Variants in CTSE observed in about 807,000 individuals in gnomAD.
CTSE encodes cathepsin E.
CTSE carries 43 observed loss-of-function variants against 42.8 expected under a neutral mutation model. That is an observed-to-expected ratio of 1.01 (90% CI 0.79 to 1.30). CTSE has a LOEUF of 1.30. CTSE is among the 50% of genes most tolerant of loss of function. The pLI, the probability that CTSE is intolerant of heterozygous loss-of-function variation, is 0.00. For synonymous variants in CTSE, 205 were observed against 191.5 expected (o/e 1.07, Z -0.58); for missense variants, 532 against 493.5 (o/e 1.08, Z -0.74).
Position 206,016,082 on chromosome 1 carries a change from C to G in CTSE, c.511G>C (p.Glu171Gln), listed in dbSNP as rs782237022. 14 of 1,614,000 alleles carry G rather than the reference C, an allele frequency of 8.7e-6. No homozygotes were observed. The highest frequency in any genetic ancestry group is 1.2e-5 in the Non-Finnish European group (14 of 1,179,938). ...VGQQFGESVT[E>Q]PGQTFVDAEF... ...GCATCCACAAAGGTCTGGCCTGGCT[C>G]TGTGACACTTTCTCCAAACTGCTGG... is the stretch of plus-strand genomic sequence containing the variant. The change falls in exon 5 of 9, where the codon GAG becomes CAG. Residue 171 changes from glutamate to glutamine, a missense_variant. By Grantham distance (29) the Glu-to-Gln change is conservative (BLOSUM62 2). Transcript: ENST00000358184.
At chr1:206,021,438 T>A (rs1275098653) in intron 3 of CTSE, 1 of 378,852 alleles carries the variant, frequency 2.6e-6, no homozygotes, top group Non-Finnish European at 4.7e-6. Flanking sequence ...TAAGTGTCAT[T>A]TATCAGGCGC....
chr1:206,018,776 ATT>A (rs1661330403), intron 4 of CTSE, among the ~76,000 whole-genome samples: 1 of 151,526 alleles, frequency 6.6e-6, no homozygotes. Flanking sequence ...CTTTTTTCTT[ATT>A]TAGTCATGTG....
rs1661016505 is a variant in CTSE, at chr1:206,009,321, A to C, written c.*862T>G. The C allele has an allele frequency of 6.6e-6, 1 of 152,118 alleles. No individual in the cohort carries two copies. The highest frequency in any genetic ancestry group is 1.9e-4 in the East Asian group (1 of 5,196). The allele number at this position is 152,118 out of a possible 1,614,324, so 9.4% of individuals were successfully genotyped here. ...GCCAAGAACTCCAAACCCACCCAGC[A>C]GTCTTAACATTACCAATAGAGAGGC... On this transcript the variant is annotated 3_prime_UTR_variant, in exon 9 of 9. Transcript: ENST00000358184.
Position 206,013,781 on chromosome 1 carries a change from G to A in CTSE, c.776C>T (p.Ala259Val). 6.2e-7 allele frequency: 1 copy of A among 1,613,672 alleles called. No homozygotes were observed. ...CATGGGGAATACTCACTTATCCAGT[G>A]CAATCTGCCAGTAAGCTTGCTTGGT... ...PVTKQAYWQI[A>V]LDNIQVGGTV... is the part of the protein sequence containing the mutation. Residue 259 changes from alanine to valine, a missense_variant, in exon 6 of 9, where the codon GCA becomes GTA. Ala to Val is a moderately conservative substitution (Grantham distance 64). Coordinates refer to ENST00000358184, the MANE Select transcript of CTSE (RefSeq NM_001910.4).
chr1:206,017,803 C>A (rs1311822361), intron 4 of CTSE, among the ~76,000 whole-genome samples: 1 of 152,048 alleles, frequency 6.6e-6, no homozygotes. Flanking sequence ...ATGTTGACCT[C>A]ATATCCAGCA....
intron 3 of CTSE, 76 bp downstream of exon 3, chr1:206,022,074 T>A (rs1003472813): frequency 3.0e-6 from 3 of 989,662 alleles, no homozygotes; most frequent in East Asian, 2.6e-5. Flanking sequence ...TAAGCCCCCC[T>A]TCCCCAGAGT....
chr1:206,021,232 C>G, intron 3 of CTSE, 65 bp from the exon 4 acceptor site: 1 of 1,237,192 alleles, frequency 8.1e-7, no homozygotes, highest in Non-Finnish European at 1.2e-6. Flanking sequence ...TGCCCTAATG[C>G]CACCCAGCCC....
Position 206,022,954 on chromosome 1 carries a change from C to T in CTSE, c.172G>A (p.Glu58Lys), listed in dbSNP as rs781951953. The change falls in exon 2 of 9, where the codon GAG (glutamate) becomes AAG (lysine). Residue 58 changes from glutamate to lysine, a missense_variant. Coordinates refer to ENST00000358184, the MANE Select transcript of CTSE (RefSeq NM_001910.4). Reference sequence around the variant, plus strand: ...GCACTCTGGTCCATTGAGCAGGACTCGGTGAACTGGATCATGTCCAAATTA... The same window carrying T: ...GCACTCTGGTCCATTGAGCAGGACTTGGTGAACTGGATCATGTCCAAATTA... ...SHNLDMIQFT[E>K]SCSMDQSAKE... 6.7e-5 allele frequency: 107 copies of T among 1,608,984 alleles called. 3 individuals carry two copies. The highest frequency in any genetic ancestry group is 1.6e-4 in the Middle Eastern group (1 of 6,062).
chr1:206,023,099 C>T (rs782456171), intron 1 of CTSE, 42 bp from the exon 2 acceptor site: 1 of 1,598,064 alleles, frequency 6.3e-7, no homozygotes, highest in Non-Finnish European at 8.6e-7. Flanking sequence ...GTACTTCTGC[C>T]TCCCTCTTCC....
intron 2 of CTSE, 34 bp from the exon 3 acceptor site, chr1:206,022,301 G>C: frequency 6.6e-7 from 1 of 1,506,860 alleles, no homozygotes; most frequent in Non-Finnish European, 9.1e-7. Context: ...AGAGGGTGTG[G>C]GTGGTGGGGA....
At chr1:206,015,821 G>C in intron 5 of CTSE, 110 bp downstream of exon 5, 1 of 886,652 alleles carries the variant, frequency 1.1e-6, no homozygotes, top group Non-Finnish European at 1.8e-6. Flanking sequence ...CACACAGCTG[G>C]TAATGGACCA....
At position 206,023,753 on chromosome 1, in the gene CTSE, C is replaced by T. The variant is rs781799726; in HGVS notation, c.39G>A (p.Glu13=). 1.9e-6 allele frequency: 3 copies of T among 1,613,752 alleles called. No individual in the cohort carries two copies. The highest frequency in any genetic ancestry group is 1.7e-5 in the Admixed American group (1 of 59,992). Residue 13 remains glutamate (E), a synonymous_variant, in exon 1 of 9, where the codon GAG becomes GAA. Transcript: ENST00000358184. ...TLLLLLLVLL[E]LGEAQGSLHR... ...GAAGGGATCCTTGGGCCTCTCCCAGCTCCAGGAGCACCAGCAGCAAAAGAA... is the reference window on the plus strand; with the variant it reads ...GAAGGGATCCTTGGGCCTCTCCCAGTTCCAGGAGCACCAGCAGCAAAAGAA...
intron 3 of CTSE, 32 bp from the exon 4 acceptor site, chr1:206,021,199 C>T (rs1661409023): frequency 6.6e-7 from 1 of 1,523,008 alleles, no homozygotes; most frequent in Non-Finnish European, 9.1e-7. Context: ...TTGCTTATGC[C>T]ATCGGCTCAC....
intron 4 of CTSE, among the ~76,000 whole-genome samples, chr1:206,016,928 T>A (rs1661279980): frequency 6.6e-6 from 1 of 152,118 alleles, no homozygotes; most frequent in Admixed American, 6.5e-5. Context: ...TTTGCTAATG[T>A]CTAAGAAAAA....
intron 4 of CTSE, among the ~76,000 whole-genome samples, chr1:206,016,339 G>GC (rs1452202925): frequency 6.6e-6 from 1 of 151,876 alleles, no homozygotes; most frequent in Non-Finnish European, 1.5e-5. Context: ...CAATCATTGC[G>GC]CCCCTCCTCA....
chr1:206,010,381 CG>C (rs781988598), intron 8 of CTSE, 34 bp from the exon 9 acceptor site: 4 of 1,587,314 alleles, frequency 2.5e-6, no homozygotes, highest in Non-Finnish European at 2.6e-6. Context: ...AAATGACAAA[CG>C]GGGGAAGAAG....
intron 4 of CTSE, among the ~76,000 whole-genome samples, chr1:206,019,331 G>A (rs1180818642): frequency 3.9e-5 from 6 of 151,986 alleles, no homozygotes; most frequent in Admixed American, 1.3e-4. Context: ...GGGCCAGTTG[G>A]AACCCATGAG....
intron 8 of CTSE, among the ~76,000 whole-genome samples, chr1:206,010,743 C>T (rs577033251): frequency 5.9e-5 from 9 of 152,188 alleles, no homozygotes; most frequent in African/African-American, 2.2e-4. Context: ...TGAAGCTCAG[C>T]TTAGTTTTTG....
At chr1:206,010,491 T>C in intron 8 of CTSE, 144 bp from the exon 9 acceptor site, 2 of 710,428 alleles carry the variant, frequency 2.8e-6, no homozygotes, top group Admixed American at 4.0e-5. Context: ...CGGTGGGTTC[T>C]TCCTCCTGCT....
Sources: allele counts gnomAD v4.1 joint callset (sites outside exome capture counted in the v4.1 genomes callset), GRCh38; gene constraint gnomAD v4.1.1; transcripts MANE v1.5; gene names NCBI Gene and HGNC (gene_info 2026-07-23, HGNC 2026-07-21).